UBTD2: variants seen among roughly 807,000 people sequenced by gnomAD.
UBTD2 encodes the protein ubiquitin domain containing 2, also known as ubiquitin domain-containing protein 2.
Under a neutral mutation model 19.8 loss-of-function variants are expected in UBTD2, and 9 were observed. The ratio of observed to expected loss-of-function variants is 0.46; its 90% CI spans 0.27 to 0.79. The LOEUF is 0.79. UBTD2 is among the 30% of genes least tolerant of loss of function. The pLI is 0.14. For missense variants in UBTD2, 250 were observed against 300.4 expected, an observed-to-expected ratio of 0.83 and a Z score of 1.24; for synonymous variants, 98 against 103.9, an observed-to-expected ratio of 0.94 and a Z score of 0.35.
At chr5:172,267,997 C>G (rs1263074794) in intron 1 of UBTD2, among the ~76,000 whole-genome samples, 1 of 152,170 alleles carries the variant, frequency 6.6e-6, no homozygotes, top group African/African-American at 2.4e-5. Context: ...CTAAGAAAGG[C>G]TTCTATTAAG....
chr5:172,226,408 T>C (rs1561851687), intron 2 of UBTD2, among the ~76,000 whole-genome samples: 1 of 150,008 alleles, frequency 6.7e-6, no homozygotes, highest in Admixed American at 6.8e-5. Flanking sequence ...TCAAGAATTA[T>C]AGTACCTCCC....
chr5:172,263,427 C>T, intron 1 of UBTD2, among the ~76,000 whole-genome samples: 1 of 152,068 alleles, frequency 6.6e-6, no homozygotes, highest in Non-Finnish European at 1.5e-5. Context: ...TCTCATAATA[C>T]AAAGCATGTA....
chr5:172,218,786 A>T (rs1462944521), intron 2 of UBTD2, among the ~76,000 whole-genome samples: 40 of 137,916 alleles, frequency 2.9e-4, no homozygotes, highest in African/African-American at 5.4e-4. Context: ...AAAAAAAAAA[A>T]AAATAAAAAA....
chr5:172,253,436 T>C (rs935896059), intron 1 of UBTD2, among the ~76,000 whole-genome samples: 7 of 150,760 alleles, frequency 4.6e-5, no homozygotes, highest in African/African-American at 1.7e-4. Context: ...AAAATTGATA[T>C]TGTCAATATC....
intron 1 of UBTD2, among the ~76,000 whole-genome samples, chr5:172,271,130 T>G (rs1755481052): frequency 6.6e-6 from 1 of 152,076 alleles, no homozygotes. Context: ...TCTAATCCTC[T>G]TTTAAGACCA....
intron 2 of UBTD2, among the ~76,000 whole-genome samples, chr5:172,220,856 T>C (rs1465789415): frequency 6.6e-6 from 1 of 152,138 alleles, no homozygotes; most frequent in Non-Finnish European, 1.5e-5. Context: ...TGACATACTG[T>C]CTATGTAAAA....
chr5:172,263,657 G>A (rs1347320085), intron 1 of UBTD2, among the ~76,000 whole-genome samples: 1 of 152,036 alleles, frequency 6.6e-6, no homozygotes, highest in Non-Finnish European at 1.5e-5. Flanking sequence ...AGCCAGGCAC[G>A]GTGGCGGGCG....
intron 1 of UBTD2, among the ~76,000 whole-genome samples, chr5:172,267,334 T>C (rs1222871335): frequency 6.6e-6 from 1 of 152,212 alleles, no homozygotes; most frequent in Non-Finnish European, 1.5e-5. Flanking sequence ...TACGCATATA[T>C]GAAATTTAGG....
intron 2 of UBTD2, among the ~76,000 whole-genome samples, chr5:172,233,738 C>G (rs942888035): frequency 2.1e-5 from 3 of 143,386 alleles, no homozygotes; most frequent in Admixed American, 1.5e-4. Flanking sequence ...GACTCTATCT[C>G]TAGCGCTGCT....
Position 172,259,794 on chromosome 5 carries a change from C to CTGTA in UBTD2, c.70+23798_70+23801dup, listed in dbSNP as rs1433539941. On this transcript the variant is annotated intron_variant, in intron 1 of 2. Coordinates refer to ENST00000393792, the MANE Select transcript of UBTD2 (RefSeq NM_152277.3). ...ATGGGCCAGGCAGGATGGCTCACGC[C>CTGTA]TGTAATCTCAGCACTTTGGGAGGCT... Among the ~76,000 whole-genome samples, 9 of 152,082 alleles carry CTGTA rather than the reference C, an allele frequency of 5.9e-5. No individual in the cohort carries two copies. In the East Asian group the frequency reaches 1.7e-3, roughly 29 times the overall value.
intron 1 of UBTD2, among the ~76,000 whole-genome samples, chr5:172,262,965 T>A (rs753233357): frequency 1.8e-4 from 28 of 152,126 alleles, no homozygotes; most frequent in African/African-American, 2.4e-5. Flanking sequence ...TGAGACAGGG[T>A]CTTGCTCTGT....
intron 1 of UBTD2, among the ~76,000 whole-genome samples, chr5:172,255,689 C>T (rs1486267178): frequency 6.6e-6 from 1 of 152,168 alleles, no homozygotes; most frequent in East Asian, 1.9e-4. Flanking sequence ...CAGGCAGTCA[C>T]ATGATGCCGG....
chr5:172,212,849 A>G (rs189506685), intron 2 of UBTD2, among the ~76,000 whole-genome samples: 237 of 152,022 alleles, frequency 1.6e-3, no homozygotes, highest in African/African-American at 4.9e-3. Context: ...TATTTTTAGT[A>G]TAGACAGAGT....
rs2113894068 is a variant in UBTD2 at position 172,234,498 on chromosome 5, G to A, written c.71-140C>T. 1.1e-5 allele frequency: 8 copies of A among 728,684 alleles called. No individual in the cohort carries two copies. The South Asian group carries it at 1.3e-4, about 12-fold the overall frequency. 45.1% of individuals were successfully genotyped at this position (728,684 alleles called of 1,614,324 possible). ...ACCTGCTAGCTAATTTGTGCATCCT[G>A]AAATTCCTCTAACACATTTTGGAAC... On this transcript the variant is annotated intron_variant, in intron 1 of 2. Transcript: ENST00000393792.
chr5:172,278,729 A>G (rs1395767997), intron 1 of UBTD2, among the ~76,000 whole-genome samples: 1 of 152,194 alleles, frequency 6.6e-6, no homozygotes, highest in Non-Finnish European at 1.5e-5. Flanking sequence ...TTACACATTT[A>G]AAAATGGTTG....
chr5:172,236,401 A>G (rs1206566785), intron 1 of UBTD2, among the ~76,000 whole-genome samples: 2 of 152,250 alleles, frequency 1.3e-5, no homozygotes, highest in African/African-American at 4.8e-5. Flanking sequence ...TGTGCCTATT[A>G]CATTTAATTC....
intron 1 of UBTD2, among the ~76,000 whole-genome samples, chr5:172,251,819 A>C (rs933021834): frequency 4.6e-5 from 7 of 152,252 alleles, no homozygotes; most frequent in African/African-American, 1.7e-4. Flanking sequence ...AAAACATCTC[A>C]AAGTATAAAA....
intron 2 of UBTD2, among the ~76,000 whole-genome samples, chr5:172,228,518 T>TGA (rs1285235778): frequency 2.0e-5 from 3 of 151,936 alleles, no homozygotes; most frequent in Non-Finnish European, 4.4e-5. Context: ...GTCAGGAGAT[T>TGA]GAGACCACCC....
chr5:172,219,035 C>G (rs1380706107), intron 2 of UBTD2, among the ~76,000 whole-genome samples: 1 of 152,038 alleles, frequency 6.6e-6, no homozygotes, highest in Non-Finnish European at 1.5e-5. Context: ...TTTGATAAAC[C>G]TAGATAAAAT....
Sources: gnomAD v4.1 joint callset for allele counts (sites outside exome capture counted in the v4.1 genomes callset) on GRCh38, gnomAD v4.1.1 for gene constraint, MANE v1.5 for transcripts, NCBI Gene and HGNC (gene_info 2026-07-23, HGNC 2026-07-21) for gene names.